Variants in BTBD16 observed in about 807,000 individuals in gnomAD.
BTBD16 encodes BTB domain containing 16, also known as BTB/POZ domain-containing protein 16.
In BTBD16, 66 loss-of-function variants were observed where a neutral mutation model predicts 67.4. The ratio of observed to expected loss-of-function variants is 0.98; its 90% CI spans 0.80 to 1.20. BTBD16 has a LOEUF of 1.20. Among genes scored for constraint, BTBD16 ranks in the 50% most tolerant of loss-of-function variants. BTBD16 has a pLI of 0.00. For missense variants in BTBD16, 634 were observed against 616.0 expected (o/e 1.03, Z -0.31); for synonymous variants, 242 against 236.4 (o/e 1.02, Z -0.22).
intron 11 of BTBD16, among the ~76,000 whole-genome samples, chr10:122,330,332 G>GA (rs1287739223): frequency 6.6e-6 from 1 of 151,924 alleles, no homozygotes; most frequent in South Asian, 2.1e-4. Context: ...AAAGTTTGGG[G>GA]AAAAAAATAA....
intron 14 of BTBD16, among the ~76,000 whole-genome samples, chr10:122,335,822 A>T (rs1041004385): frequency 3.3e-5 from 5 of 152,158 alleles, no homozygotes; most frequent in African/African-American, 9.7e-5. Context: ...TCTTTTTATT[A>T]CTACTGCCAA....
At chr10:122,337,904 A>G in intron 15 of BTBD16, 113 bp from the exon 16 acceptor site, 1 of 799,150 alleles carries the variant, frequency 1.3e-6, no homozygotes, top group South Asian at 1.7e-5. Flanking sequence ...ATGTGCAACC[A>G]TAGTTGAGAG....
chr10:122,271,995 C>T (rs957958923), intron 1 of BTBD16, among the ~76,000 whole-genome samples: 11 of 152,134 alleles, frequency 7.2e-5, no homozygotes, highest in Admixed American at 7.2e-4. Context: ...TCTCTCTTCT[C>T]AGATTCCTTA....
chr10:122,292,603 G>T (rs2096376161), intron 7 of BTBD16, among the ~76,000 whole-genome samples: 2 of 152,194 alleles, frequency 1.3e-5, no homozygotes, highest in Admixed American at 1.3e-4. Flanking sequence ...GGAGAGGTTT[G>T]CTTAGGGTCA....
chr10:122,275,964 A>C (rs561723645), intron 2 of BTBD16, among the ~76,000 whole-genome samples: 176 of 152,368 alleles, frequency 1.2e-3, no homozygotes, highest in African/African-American at 4.1e-3. Flanking sequence ...CCAAGTGTCC[A>C]TCAACTGATG....
intron 3 of BTBD16, among the ~76,000 whole-genome samples, chr10:122,279,545 C>CACACACA (rs1398945812): frequency 6.6e-6 from 1 of 150,652 alleles, no homozygotes; most frequent in Non-Finnish European, 1.5e-5. Context: ...CACACACACA[C>CACACACA]ATCTTTTCTT....
intron 9 of BTBD16, 27 bp from the exon 10 acceptor site, chr10:122,307,158 AATTT>A (rs2096405017): frequency 1.3e-6 from 2 of 1,569,214 alleles, no homozygotes; most frequent in Non-Finnish European, 1.7e-6. Context: ...CTATTTCTGA[AATTT>A]CTTCTCAATC....
intron 10 of BTBD16, among the ~76,000 whole-genome samples, chr10:122,313,525 A>G (rs1210197085): frequency 1.3e-5 from 2 of 151,932 alleles, no homozygotes; most frequent in Non-Finnish European, 1.5e-5. Flanking sequence ...GGCCTCCCAA[A>G]GTGCTGGGAT....
intron 4 of BTBD16, 39 bp downstream of exon 4, chr10:122,283,963 C>A (rs775660683): frequency 2.0e-6 from 3 of 1,490,264 alleles, no homozygotes; most frequent in African/African-American, 1.4e-5. Context: ...CAGAATGTTG[C>A]TGATTTCAGG....
At chr10:122,278,773 G>A (rs1194652886) in intron 3 of BTBD16, among the ~76,000 whole-genome samples, 1 of 152,218 alleles carries the variant, frequency 6.6e-6, no homozygotes, top group Non-Finnish European at 1.5e-5. Context: ...AGAGGCAGCA[G>A]ATACTCTCAG....
At chr10:122,327,439 T>C (rs1229410582) in intron 10 of BTBD16, 1 of 232,582 alleles carries the variant, frequency 4.3e-6, no homozygotes, top group African/African-American at 2.3e-5. Context: ...CTGTCAGCTT[T>C]ACTCCTCCCT....
intron 5 of BTBD16, among the ~76,000 whole-genome samples, chr10:122,288,763 C>A (rs1322308246): frequency 6.6e-6 from 1 of 152,088 alleles, no homozygotes; most frequent in Non-Finnish European, 1.5e-5. Context: ...CAGGAAAGCC[C>A]TCTCGGGGGG....
chr10:122,324,254 G>A (rs768031557), intron 10 of BTBD16, among the ~76,000 whole-genome samples: 33 of 152,204 alleles, frequency 2.2e-4, no homozygotes, highest in Non-Finnish European at 4.0e-4. Context: ...GGCTGCATGG[G>A]TGTGCACTGG....
intron 3 of BTBD16, among the ~76,000 whole-genome samples, chr10:122,277,663 G>A (rs2096343731): frequency 6.6e-6 from 1 of 151,956 alleles, no homozygotes; most frequent in Non-Finnish European, 1.5e-5. Context: ...GAGAGGGGAG[G>A]TCCCAGGCTC....
chr10:122,281,230 A>C (rs545631836), intron 3 of BTBD16, among the ~76,000 whole-genome samples: 1 of 152,190 alleles, frequency 6.6e-6, no homozygotes, highest in East Asian at 1.9e-4. Flanking sequence ...ATGTCCTCGC[A>C]GTACTTTTTT....
chr10:122,337,798 T>C (rs182534859), intron 15 of BTBD16, among the ~76,000 whole-genome samples: 103 of 152,372 alleles, frequency 6.8e-4, no homozygotes, highest in Admixed American at 1.2e-3. Flanking sequence ...TGAGAATTTA[T>C]CAAGCTGTCC....
intron 11 of BTBD16, among the ~76,000 whole-genome samples, chr10:122,330,313 A>T (rs9664336): frequency 0.024 from 3,626 of 152,250 alleles, 150 homozygotes; most frequent in African/African-American, 0.082. Flanking sequence ...GGGAAGAGAG[A>T]TCTAGAGAAA....
chr10:122,295,416 G>A (rs1352350479), intron 7 of BTBD16: 1 of 985,438 alleles, frequency 1.0e-6, no homozygotes, highest in Non-Finnish European at 1.2e-6. Flanking sequence ...AGGTTATGCA[G>A]GATCTTGTAG....
intron 4 of BTBD16, 119 bp downstream of exon 4, chr10:122,284,043 T>C (rs942990038): frequency 3.6e-5 from 26 of 713,688 alleles, no homozygotes; most frequent in Non-Finnish European, 5.0e-5. Flanking sequence ...GTTGCAATTC[T>C]CATCCACTTC....
Sources: allele counts gnomAD v4.1 joint callset (sites outside exome capture counted in the v4.1 genomes callset), GRCh38; gene constraint gnomAD v4.1.1; transcripts MANE v1.5; gene names NCBI Gene and HGNC (gene_info 2026-07-23, HGNC 2026-07-21).